PDZD9: variants seen among roughly 807,000 people sequenced by gnomAD.
PDZD9 encodes the protein PDZ domain containing 9, also known as PDZ domain-containing protein 9.
Under a neutral mutation model 16.3 loss-of-function variants are expected in PDZD9, and 13 were observed. The observed-to-expected ratio is 0.80, with a 90% CI of 0.52 to 1.27. The LOEUF is 1.27. Among genes scored for constraint, PDZD9 ranks in the 50% most tolerant of loss-of-function variants. The pLI, the probability that PDZD9 is intolerant of heterozygous loss-of-function variation, is 0.00. For synonymous variants in PDZD9, 120 were observed against 111.0 expected (o/e 1.08, Z -0.51); for missense variants, 288 against 310.9 (o/e 0.93, Z 0.55).
chr16:21,968,503 T>C, the PDZD9 span: 1 of 705,990 alleles, frequency 1.4e-6, no homozygotes. Flanking sequence ...TAGTACCTTG[T>C]AGTTCATTAC....
the PDZD9 span, among the ~76,000 whole-genome samples, chr16:21,978,148 G>A: frequency 6.6e-6 from 1 of 152,172 alleles, no homozygotes; most frequent in Non-Finnish European, 1.5e-5. Context: ...CCATTTTGAT[G>A]GAGTTGATAC....
chr16:21,980,434 T>C, downstream of PDZD9: 1 of 1,120,862 alleles, frequency 8.9e-7, no homozygotes, highest in Non-Finnish European at 1.3e-6. Flanking sequence ...GGAGACACGC[T>C]GTTACTCTAT....
the PDZD9 span, chr16:21,962,677 AT>A: frequency 6.2e-7 from 1 of 1,601,162 alleles, no homozygotes. Flanking sequence ...AAAGTTTCAC[AT>A]TGAGAGCATT....
chr16:21,982,963 C>CAAAAA (rs1036084484), downstream of PDZD9: 5 of 537,688 alleles, frequency 9.3e-6, no homozygotes, highest in Non-Finnish European at 8.7e-6. Context: ...GACTCCACCT[C>CAAAAA]AAAAAAAAAA....
chr16:21,987,811 C>T (rs569425431), intron 3 of PDZD9, among the ~76,000 whole-genome samples: 4 of 151,934 alleles, frequency 2.6e-5, no homozygotes, highest in Non-Finnish European at 5.9e-5. Context: ...ACAGAGGTGT[C>T]TAATACAGCT....
chr16:21,977,434 G>A, the PDZD9 span, among the ~76,000 whole-genome samples: 6 of 151,994 alleles, frequency 3.9e-5, no homozygotes, highest in Non-Finnish European at 8.8e-5. Flanking sequence ...GTATATAAGA[G>A]TACCTATTCT....
At position 21,984,047 on chromosome 16, in the gene PDZD9, G is replaced by T; in HGVS notation, c.*220C>A. 2.3e-6 allele frequency: 1 copy of T among 427,516 alleles called. No homozygotes were observed. Among genetic ancestry groups the T allele is most frequent in the Non-Finnish European group, 4.1e-6 (1 of 241,360 alleles). The allele number at this position is 427,516 out of a possible 1,614,324, so 26.5% of individuals were successfully genotyped here. A position where few individuals can be genotyped will look rare whatever the true frequency, so the allele number is the denominator to read the frequency against. ...GAAAGAAATTCTTCTCAAAAAGGAG[G>T]GTCTTATTCTGAAAATAAGATTTGT... On this transcript the variant is annotated 3_prime_UTR_variant, in exon 4 of 4. Transcript: ENST00000424898.
chr16:21,977,999 C>G, the PDZD9 span, among the ~76,000 whole-genome samples: 19 of 152,252 alleles, frequency 1.2e-4, no homozygotes, highest in African/African-American at 4.3e-4. Flanking sequence ...ACTGGATTTA[C>G]TTAAGAAAAA....
chr16:21,998,036 GCT>G (rs1191281641), intron 1 of PDZD9, among the ~76,000 whole-genome samples: 2 of 152,238 alleles, frequency 1.3e-5, no homozygotes, highest in East Asian at 3.9e-4. Flanking sequence ...AACCACAGAT[GCT>G]CTCTGTTTGG....
At chr16:21,965,360 C>G in the PDZD9 span, 4 of 1,571,856 alleles carry the variant, frequency 2.5e-6, no homozygotes, top group South Asian at 4.5e-5. Context: ...AAAATGTTGT[C>G]TTTACTGAAA....
chr16:21,988,022 T>C (rs1489532477), intron 3 of PDZD9, among the ~76,000 whole-genome samples: 1 of 150,228 alleles, frequency 6.7e-6, no homozygotes, highest in South Asian at 2.1e-4. Flanking sequence ...TTTTTTTTTT[T>C]TTTTGAGACA....
At chr16:21,958,807 A>G in the PDZD9 span, among the ~76,000 whole-genome samples, 1 of 152,204 alleles carries the variant, frequency 6.6e-6, no homozygotes, top group Non-Finnish European at 1.5e-5. Flanking sequence ...TATCTGCAAT[A>G]TATAGGCATA....
chr16:21,970,385 T>C, the PDZD9 span, among the ~76,000 whole-genome samples: 2 of 152,360 alleles, frequency 1.3e-5, no homozygotes, highest in Non-Finnish European at 2.9e-5. Context: ...CCAAAGTAGC[T>C]GCACCATTTT....
chr16:21,981,235 T>C (rs1042577751), downstream of PDZD9, among the ~76,000 whole-genome samples: 7 of 152,148 alleles, frequency 4.6e-5, no homozygotes, highest in Non-Finnish European at 1.0e-4. Context: ...CATATATTAT[T>C]GTTCCCTACA....
At position 21,988,793 on chromosome 16, in the gene PDZD9, TG is replaced by T; in HGVS notation, c.212-3del. Reference sequence around the variant, plus strand: ...GGCCAACACTAATCAGAACATCACCTGAAGAGGGAAAAAATTATGTATCAGT... The same window carrying T: ...GGCCAACACTAATCAGAACATCACCTAAGAGGGAAAAAATTATGTATCAGT... On this transcript the variant is annotated splice_region_variant and splice_polypyrimidine_tract_variant and intron_variant, in intron 2 of 3. Transcript: ENST00000424898. The T allele has an allele frequency of 2.5e-6, 4 of 1,593,470 alleles. No individual in the cohort carries two copies. Among genetic ancestry groups the T allele is most frequent in the Non-Finnish European group, 3.4e-6 (4 of 1,174,676 alleles).
At chr16:21,963,495 G>T in the PDZD9 span, among the ~76,000 whole-genome samples, 32 of 151,668 alleles carry the variant, frequency 2.1e-4, no homozygotes, top group African/African-American at 7.5e-4. Flanking sequence ...TTTGAGACAG[G>T]GTGTTGCTTG....
At chr16:21,978,005 A>G in the PDZD9 span, among the ~76,000 whole-genome samples, 1 of 152,236 alleles carries the variant, frequency 6.6e-6, no homozygotes, top group Non-Finnish European at 1.5e-5. Flanking sequence ...TTTACTTAAG[A>G]AAAACCTAAG....
At chr16:21,968,439 A>G in the PDZD9 span, 1 of 441,976 alleles carries the variant, frequency 2.3e-6, no homozygotes, top group Non-Finnish European at 4.0e-6. Context: ...ATTAGGTTCT[A>G]GTTCTTTTAA....
At chr16:21,996,225 A>G (rs1899144712) in intron 2 of PDZD9, 97 bp downstream of exon 2, 15 of 1,350,270 alleles carry the variant, frequency 1.1e-5, no homozygotes, top group Non-Finnish European at 1.5e-5. Flanking sequence ...CATGCCCGTC[A>G]TATCCTTATA....
Sources: allele counts gnomAD v4.1 joint callset (sites outside exome capture counted in the v4.1 genomes callset), GRCh38; gene constraint gnomAD v4.1.1; transcripts MANE v1.5; gene names NCBI Gene and HGNC (gene_info 2026-07-23, HGNC 2026-07-21).